Variants in CHD9 observed in about 807,000 individuals in gnomAD.
CHD9 encodes ATP-dependent chromatin remodeler CHD9.
In CHD9, 77 loss-of-function variants were observed where a neutral mutation model predicts 316.1. The observed-to-expected ratio is 0.24, with a 90% CI of 0.20 to 0.29. CHD9 has a LOEUF of 0.29. Ranked by LOEUF, CHD9 falls within the 10% of genes least tolerant of loss-of-function variation. The pLI, the probability that CHD9 is intolerant of heterozygous loss-of-function variation, is 1.00. For missense variants in CHD9, 2,763 were observed against 3,438.1 expected (o/e 0.80, Z 4.91); for synonymous variants, 1,129 against 1,158.3 (o/e 0.97, Z 0.51).
At position 53,255,586 on chromosome 16, in the gene CHD9, T is replaced by C. The variant is rs564189477; in HGVS notation, c.4030-14T>C. Reference sequence around the variant, plus strand: ...TAAAAAAAACTATTTTTATGGAAGTTAATTTCTCCTTAGATTCAGCAGCTT... The same window carrying C: ...TAAAAAAAACTATTTTTATGGAAGTCAATTTCTCCTTAGATTCAGCAGCTT... On this transcript the variant is annotated splice_polypyrimidine_tract_variant and intron_variant, in intron 18 of 38. Coordinates refer to ENST00000447540, the MANE Select transcript of CHD9 (RefSeq NM_001308319.2). The C allele has an allele frequency of 1.2e-6, 2 of 1,600,940 alleles. No homozygotes were observed. The highest frequency in any genetic ancestry group is 2.2e-5 in the East Asian group (1 of 44,770).
chr16:53,130,946 G>C (rs2039223483), intron 1 of CHD9: 1 of 152,500 alleles, frequency 6.6e-6, no homozygotes, highest in East Asian at 2.0e-4. Flanking sequence ...CTGGGGGAGT[G>C]AACTGGGCCA....
intron 19 of CHD9, among the ~76,000 whole-genome samples, chr16:53,256,947 G>A (rs1191015540): frequency 6.6e-6 from 1 of 151,976 alleles, no homozygotes; most frequent in Non-Finnish European, 1.5e-5. Context: ...TCATTTAGCA[G>A]ACTAATAAAT....
At chr16:53,165,357 C>T (rs2042202728) in intron 2 of CHD9, among the ~76,000 whole-genome samples, 2 of 152,296 alleles carry the variant, frequency 1.3e-5, no homozygotes, top group East Asian at 3.9e-4. Context: ...AAGTCCTCCA[C>T]TATCCAATTA....
intron 1 of CHD9, among the ~76,000 whole-genome samples, chr16:53,129,410 C>T (rs1391095736): frequency 6.6e-6 from 1 of 152,236 alleles, no homozygotes; most frequent in Non-Finnish European, 1.5e-5. Flanking sequence ...TATAAGTATC[C>T]TTCAGGGAAT....
intron 3 of CHD9, among the ~76,000 whole-genome samples, chr16:53,211,009 C>T (rs1002675264): frequency 1.2e-4 from 19 of 152,080 alleles, no homozygotes; most frequent in Middle Eastern, 3.4e-3. Context: ...TTTTCCAAAG[C>T]TCTGCCCAGT....
At chr16:53,103,893 A>G (rs879503057) in intron 1 of CHD9, among the ~76,000 whole-genome samples, 8 of 152,210 alleles carry the variant, frequency 5.3e-5, no homozygotes, top group Non-Finnish European at 1.2e-4. Context: ...GGCTTAAAAC[A>G]TTAAGCTTGT....
intron 31 of CHD9, among the ~76,000 whole-genome samples, chr16:53,305,201 A>G (rs1315213120): frequency 1.3e-5 from 2 of 151,998 alleles, no homozygotes; most frequent in African/African-American, 4.8e-5. Flanking sequence ...AGCTAGGATT[A>G]CAGGCACCCA....
chr16:53,171,582 G>C (rs903878365), intron 2 of CHD9, among the ~76,000 whole-genome samples: 2 of 152,054 alleles, frequency 1.3e-5, no homozygotes, highest in Admixed American at 6.6e-5. Context: ...AGACGCTGTG[G>C]CTCATGTTTA....
chr16:53,265,086 T>C (rs778774551), intron 20 of CHD9, among the ~76,000 whole-genome samples: 5 of 152,184 alleles, frequency 3.3e-5, no homozygotes, highest in South Asian at 2.1e-4. Flanking sequence ...CTAACATTAC[T>C]GTATGTTAAA....
At chr16:53,141,790 G>T (rs970613351) in intron 1 of CHD9, among the ~76,000 whole-genome samples, 4 of 152,164 alleles carry the variant, frequency 2.6e-5, no homozygotes, top group Non-Finnish European at 5.9e-5. Context: ...ATAACTTGAA[G>T]TGTTTGAGTG....
chr16:53,217,129 A>G lies in CHD9; in HGVS notation c.1785-5515A>G, dbSNP rs1328535288. On this transcript the variant is annotated intron_variant, in intron 3 of 38. Transcript: ENST00000447540. ...TTGTCATATCTCCTTAGTCTCCTTC[A>G]ATTTAGGATAGCTCCTCAGACTTTT... 2.6e-5 allele frequency among the ~76,000 whole-genome samples: 4 copies of G among 152,148 alleles called. No individual in the cohort carries two copies. The East Asian group carries it at 7.7e-4, about 29-fold the overall frequency.
At chr16:53,267,887 C>G in intron 21 of CHD9, 40 bp from the exon 22 acceptor site, 1 of 1,541,438 alleles carries the variant, frequency 6.5e-7, no homozygotes, top group Non-Finnish European at 8.9e-7. Context: ...TTCTCTAGAA[C>G]TTGACTCAAT....
At position 53,245,020 on chromosome 16, in the gene CHD9, G is replaced by T. The variant is rs966319686; in HGVS notation, c.3055-316G>T. 7.2e-5 allele frequency among the ~76,000 whole-genome samples: 11 copies of T among 152,006 alleles called. No homozygotes were observed. The highest frequency in any genetic ancestry group is 7.2e-4 in the Admixed American group (11 of 15,242). On this transcript the variant is annotated intron_variant, in intron 13 of 38. Coordinates refer to ENST00000447540, the MANE Select transcript of CHD9 (RefSeq NM_001308319.2). This position sits in a 1 kb window ranked among gnomAD's most constrained non-coding sequence, Gnocchi z 4.1. ...AGTCCTAGCTACTCGGGAGTCTGAGGCAGGAGGATCCCTTAAGCCCAGGAG... is the reference window on the plus strand; with the variant it reads ...AGTCCTAGCTACTCGGGAGTCTGAGTCAGGAGGATCCCTTAAGCCCAGGAG...
chr16:53,099,660 C>A (rs1425545025), intron 1 of CHD9, among the ~76,000 whole-genome samples: 1 of 152,200 alleles, frequency 6.6e-6, no homozygotes, highest in African/African-American at 2.4e-5. Context: ...CTCCTCCGGG[C>A]GGGAGATTCG....
rs181660741 is a variant in CHD9, at chr16:53,064,392, G to A, written c.-165+9315G>A. 2.0e-5 allele frequency among the ~76,000 whole-genome samples: 3 copies of A among 151,610 alleles called. 1 individual carries two copies. The highest frequency in any genetic ancestry group is 2.0e-4 in the Admixed American group (3 of 15,252). On this transcript the variant is annotated intron_variant, in intron 1 of 38. Transcript: ENST00000447540. ...TTTTGTTGTCGTAGCACTTTTTTTTGCAGGTTTCCCACAGCTCATTCCAGG... is the reference window on the plus strand; with the variant it reads ...TTTTGTTGTCGTAGCACTTTTTTTTACAGGTTTCCCACAGCTCATTCCAGG...
chr16:53,304,746 G>A, intron 31 of CHD9, 121 bp downstream of exon 31: 1 of 834,360 alleles, frequency 1.2e-6, no homozygotes, highest in Non-Finnish European at 1.7e-6. Flanking sequence ...CCAGGCTGGA[G>A]TGCAATGGCG....
intron 24 of CHD9, among the ~76,000 whole-genome samples, chr16:53,275,972 T>C (rs552755010): frequency 6.6e-6 from 1 of 152,292 alleles, no homozygotes; most frequent in East Asian, 1.9e-4. Context: ...ACAGCACTTA[T>C]TTAATCAGAA....
intron 34 of CHD9, 144 bp downstream of exon 34, chr16:53,308,998 C>A: frequency 3.2e-6 from 2 of 629,464 alleles, no homozygotes; most frequent in Non-Finnish European, 5.0e-6. Flanking sequence ...AATTTTAAAT[C>A]TTAACAAATA....
At chr16:53,255,478 G>T (rs974931446) in intron 18 of CHD9, 122 bp from the exon 19 acceptor site, 3 of 725,876 alleles carry the variant, frequency 4.1e-6, no homozygotes, top group South Asian at 2.0e-5. Context: ...TCTCTTATGC[G>T]CATCCCAAAC....
Sources: allele counts gnomAD v4.1 joint callset (sites outside exome capture counted in the v4.1 genomes callset), GRCh38; gene constraint gnomAD v4.1.1; non-coding constraint Gnocchi (gnomAD v3.1); transcripts MANE v1.5; gene names NCBI Gene and HGNC (gene_info 2026-07-23, HGNC 2026-07-21).